Variants in FYN observed in about 807,000 individuals in gnomAD.
The protein encoded by FYN is tyrosine-protein kinase Fyn.
In FYN, 10 loss-of-function variants were observed where a neutral mutation model predicts 70.2. That is an observed-to-expected ratio of 0.14 (90% CI 0.09 to 0.24). FYN has a LOEUF of 0.24. Among genes scored for constraint, FYN ranks in the 10% least tolerant of loss-of-function variants. The probability of loss-of-function intolerance (pLI) is 1.00; values close to 1 mark genes in which losing one functional copy is unlikely to be tolerated. For missense variants in FYN, 319 were observed against 673.1 expected, an observed-to-expected ratio of 0.47 and a Z score of 5.82; for synonymous variants, 236 against 248.6, an observed-to-expected ratio of 0.95 and a Z score of 0.48.
intron 3 of FYN, among the ~76,000 whole-genome samples, chr6:111,725,518 A>G (rs1801152130): frequency 6.8e-6 from 1 of 146,250 alleles, no homozygotes; most frequent in African/African-American, 2.7e-5. Context: ...AAGCAGGGCT[A>G]TGCTGGCCAC....
chr6:111,759,978 C>A (rs1192439450), intron 3 of FYN: 4 of 151,678 alleles, frequency 2.6e-5, no homozygotes, highest in African/African-American at 9.7e-5. Context: ...AGACTGAGTA[C>A]AGCCTTCATT....
At chr6:111,680,859 T>G (rs1798750107) in intron 12 of FYN, among the ~76,000 whole-genome samples, 1 of 152,106 alleles carries the variant, frequency 6.6e-6, no homozygotes, top group Admixed American at 6.5e-5. Flanking sequence ...CATGAATTAT[T>G]TTTCTGAGTT....
intron 1 of FYN, among the ~76,000 whole-genome samples, chr6:111,870,257 T>C (rs918000175): frequency 3.9e-5 from 6 of 152,214 alleles, no homozygotes; most frequent in African/African-American, 1.4e-4. Flanking sequence ...TTGCCCCTTC[T>C]GTAAACTGAA....
At chr6:111,869,998 TA>T (rs2114544400) in intron 1 of FYN, among the ~76,000 whole-genome samples, 1 of 152,370 alleles carries the variant, frequency 6.6e-6, no homozygotes, top group Non-Finnish European at 1.5e-5. Flanking sequence ...TAATTCCCAT[TA>T]GCCTATAAGT....
intron 1 of FYN, among the ~76,000 whole-genome samples, chr6:111,854,829 T>TGATA (rs1773781804): frequency 6.6e-6 from 1 of 152,246 alleles, no homozygotes; most frequent in Admixed American, 6.5e-5. Context: ...GGAGCCTTAG[T>TGATA]GATATCACTG....
intron 2 of FYN, among the ~76,000 whole-genome samples, chr6:111,839,078 T>C (rs1421440919): frequency 6.6e-6 from 1 of 152,234 alleles, no homozygotes; most frequent in Non-Finnish European, 1.5e-5. Flanking sequence ...CTGAAGTCCC[T>C]GCACATCTGC....
chr6:111,822,082 A>T (rs1772682310), intron 2 of FYN, among the ~76,000 whole-genome samples: 1 of 152,228 alleles, frequency 6.6e-6, no homozygotes, highest in Non-Finnish European at 1.5e-5. Flanking sequence ...TGATTCCTCA[A>T]GGATCTAGAA....
intron 2 of FYN, among the ~76,000 whole-genome samples, chr6:111,786,763 G>C (rs369315220): frequency 1.3e-5 from 2 of 152,164 alleles, no homozygotes; most frequent in African/African-American, 4.8e-5. Flanking sequence ...CATTCTAACT[G>C]GTGTGAGATG....
intron 5 of FYN, among the ~76,000 whole-genome samples, chr6:111,710,166 A>G (rs912287787): frequency 2.6e-5 from 4 of 152,194 alleles, no homozygotes; most frequent in African/African-American, 9.7e-5. Context: ...CGAGGAAAAA[A>G]TTAAGTGCTT....
At chr6:111,779,121 A>ATTTTTTTTTTT (rs397934539) in intron 3 of FYN, among the ~76,000 whole-genome samples, 5 of 91,492 alleles carry the variant, frequency 5.5e-5, no homozygotes, top group African/African-American at 4.2e-5. Flanking sequence ...AGTAGGAGAC[A>ATTTTTTTTTTT]TTTTTTTTTT....
At chr6:111,703,489 A>G (rs1039440791) in intron 7 of FYN, among the ~76,000 whole-genome samples, 1 of 152,194 alleles carries the variant, frequency 6.6e-6, no homozygotes, top group African/African-American at 2.4e-5. Context: ...CTGCTTTACA[A>G]CACTTTTTAC....
At chr6:111,870,999 TGTAA>T (rs1048646789) in intron 1 of FYN, among the ~76,000 whole-genome samples, 1 of 152,186 alleles carries the variant, frequency 6.6e-6, no homozygotes, top group Non-Finnish European at 1.5e-5. Flanking sequence ...TTAAAAAGTG[TGTAA>T]GTAAATATTT....
intron 2 of FYN, among the ~76,000 whole-genome samples, chr6:111,817,451 C>A (rs151284552): frequency 3.3e-5 from 5 of 152,168 alleles, no homozygotes; most frequent in Non-Finnish European, 5.9e-5. Context: ...CAAAACTAAA[C>A]GAATACATGG....
At chr6:111,764,228 A>AAAAAAAAAAG (rs530424442) in intron 3 of FYN, among the ~76,000 whole-genome samples, 34 of 134,810 alleles carry the variant, frequency 2.5e-4, no homozygotes, top group African/African-American at 1.0e-3. Flanking sequence ...AAAAAAAAAA[A>AAAAAAAAAAG]AAAAGAAAAG....
intron 3 of FYN, among the ~76,000 whole-genome samples, chr6:111,743,016 G>A (rs780302727): frequency 8.6e-5 from 13 of 151,106 alleles, no homozygotes; most frequent in Non-Finnish European, 1.8e-4. Context: ...GCCCAGGCTG[G>A]AGTGCAGTGG....
intron 2 of FYN, among the ~76,000 whole-genome samples, chr6:111,795,149 T>C (rs1396482864): frequency 6.6e-6 from 1 of 152,178 alleles, no homozygotes; most frequent in Non-Finnish European, 1.5e-5. Context: ...AATTCATGAT[T>C]GAAACCCTAA....
chr6:111,817,505 T>C (rs1361521579), intron 2 of FYN, among the ~76,000 whole-genome samples: 6 of 152,196 alleles, frequency 3.9e-5, no homozygotes, highest in Non-Finnish European at 7.3e-5. Context: ...CTCGTAGCTA[T>C]CCCACTGAAA....
rs143495980 is a variant in FYN, at chr6:111,855,664, T to A, written c.-122-9035A>T. On this transcript the variant is annotated intron_variant, in intron 1 of 13. Transcript: ENST00000354650. ...AATGCTTGAGAAATGACTCTCTCTG[T>A]CAACCTGGGCGTGCCATAACGGTAT... 8.7e-4 allele frequency among the ~76,000 whole-genome samples: 133 copies of A among 152,312 alleles called. 1 individual carries two copies. The East Asian group carries it at 0.014, about 16-fold the overall frequency.
intron 5 of FYN, among the ~76,000 whole-genome samples, chr6:111,712,880 T>C (rs1800451222): frequency 6.6e-6 from 1 of 152,190 alleles, no homozygotes; most frequent in African/African-American, 2.4e-5. Flanking sequence ...TGGTAAAATA[T>C]AGGCAACATA....
Sources: allele counts gnomAD v4.1 joint callset (sites outside exome capture counted in the v4.1 genomes callset), GRCh38; gene constraint gnomAD v4.1.1; transcripts MANE v1.5; gene names NCBI Gene and HGNC (gene_info 2026-07-23, HGNC 2026-07-21).